Variants in ATRNL1 observed in about 807,000 individuals in gnomAD.
ATRNL1 encodes attractin-like protein 1.
Under a neutral mutation model 182.7 loss-of-function variants are expected in ATRNL1, and 95 were observed. The ratio of observed to expected loss-of-function variants is 0.52; its 90% CI spans 0.44 to 0.62. The LOEUF (loss-of-function observed/expected upper bound fraction) is 0.62. Ranked by LOEUF, ATRNL1 falls within the 20% of genes least tolerant of loss-of-function variation. The pLI, the probability that ATRNL1 is intolerant of heterozygous loss-of-function variation, is 0.00. For missense variants in ATRNL1, 1,471 were observed against 1,679.5 expected (o/e 0.88, Z 2.17); for synonymous variants, 576 against 568.3 (o/e 1.01, Z -0.19).
intron 18 of ATRNL1, among the ~76,000 whole-genome samples, chr10:115,327,965 T>C (rs1402237580): frequency 1.3e-5 from 2 of 151,932 alleles, no homozygotes; most frequent in Admixed American, 1.3e-4. Context: ...AGGGATAGCA[T>C]TGGGAGATAT....
chr10:115,743,144 A>G (rs1555068108), intron 27 of ATRNL1, among the ~76,000 whole-genome samples: 1 of 151,506 alleles, frequency 6.6e-6, no homozygotes, highest in Non-Finnish European at 1.5e-5. Context: ...GGTGCTTCCC[A>G]GGACACCACA....
At chr10:115,323,431 TC>T (rs1854694997) in intron 18 of ATRNL1, among the ~76,000 whole-genome samples, 1 of 19,748 alleles carries the variant, frequency 5.1e-5, no homozygotes, top group Non-Finnish European at 1.2e-4. Context: ...TCCCCTCCCC[TC>T]CCCTCCCCTT....
chr10:115,273,387 T>G (rs1475589631), intron 13 of ATRNL1, among the ~76,000 whole-genome samples: 1 of 152,230 alleles, frequency 6.6e-6, no homozygotes, highest in African/African-American at 2.4e-5. Context: ...CTTCACTTAT[T>G]TGCCATTCAG....
intron 21 of ATRNL1, among the ~76,000 whole-genome samples, chr10:115,457,377 C>T (rs1027788543): frequency 3.3e-5 from 5 of 151,870 alleles, no homozygotes; most frequent in Non-Finnish European, 4.4e-5. Context: ...GGTGGGTTGG[C>T]GATAGAAGTT....
intron 10 of ATRNL1, among the ~76,000 whole-genome samples, chr10:115,263,738 C>T (rs1169000923): frequency 3.3e-5 from 5 of 151,722 alleles, no homozygotes; most frequent in Non-Finnish European, 7.4e-5. Flanking sequence ...TAAATTAACT[C>T]TAACATGTAA....
chr10:115,661,020 T>A (rs1593026336), intron 26 of ATRNL1, among the ~76,000 whole-genome samples: 1 of 152,258 alleles, frequency 6.6e-6, no homozygotes, highest in Non-Finnish European at 1.5e-5. Flanking sequence ...ACAATATCAT[T>A]ATTATCAATG....
intron 27 of ATRNL1, among the ~76,000 whole-genome samples, chr10:115,785,008 C>T (rs1949360754): frequency 6.6e-6 from 1 of 152,132 alleles, no homozygotes; most frequent in Non-Finnish European, 1.5e-5. Context: ...GTCTCTTAAC[C>T]CATTCCAGCA....
intron 26 of ATRNL1, among the ~76,000 whole-genome samples, chr10:115,655,601 G>A (rs1310600648): frequency 4.0e-5 from 6 of 151,856 alleles, no homozygotes; most frequent in African/African-American, 1.5e-4. Context: ...TTACCTTTTG[G>A]GCAAGCCCAG....
chr10:115,932,422 G>A (rs933240096), intron 28 of ATRNL1, among the ~76,000 whole-genome samples: 2 of 152,120 alleles, frequency 1.3e-5, no homozygotes, highest in Non-Finnish European at 2.9e-5. Context: ...ACCTGTTTTC[G>A]TTAAAATGCC....
chr10:115,907,613 C>G (rs1341182782), intron 28 of ATRNL1, among the ~76,000 whole-genome samples: 1 of 152,162 alleles, frequency 6.6e-6, no homozygotes. Flanking sequence ...CACTTGCAGT[C>G]TGTAGGTTTA....
intron 1 of ATRNL1, among the ~76,000 whole-genome samples, chr10:115,115,782 T>G (rs1844457791): frequency 6.6e-6 from 1 of 152,094 alleles, no homozygotes; most frequent in Non-Finnish European, 1.5e-5. Context: ...CACACTTTCT[T>G]ATTTTTATAA....
chr10:115,742,861 C>G (rs1166649406), intron 27 of ATRNL1, among the ~76,000 whole-genome samples: 1 of 152,122 alleles, frequency 6.6e-6, no homozygotes, highest in Non-Finnish European at 1.5e-5. Flanking sequence ...CATTCTCACA[C>G]TGCTAATAAA....
At chr10:115,662,847 G>C (rs1439453799) in intron 26 of ATRNL1, among the ~76,000 whole-genome samples, 3 of 151,934 alleles carry the variant, frequency 2.0e-5, no homozygotes, top group African/African-American at 7.2e-5. Context: ...TTTTGCCATT[G>C]ATCTTATACA....
intron 10 of ATRNL1, 75 bp from the exon 11 acceptor site, chr10:115,265,118 A>G: frequency 1.0e-6 from 1 of 973,236 alleles, no homozygotes; most frequent in Non-Finnish European, 1.6e-6. Context: ...TAATTCGGCC[A>G]ATGATGTTTT....
intron 6 of ATRNL1, among the ~76,000 whole-genome samples, chr10:115,163,705 A>C (rs1846908951): frequency 6.6e-6 from 1 of 152,078 alleles, no homozygotes; most frequent in African/African-American, 2.4e-5. Context: ...AAAATGAAGA[A>C]TATGTGAGAC....
At chr10:115,870,817 A>G (rs1255927906) in intron 28 of ATRNL1, among the ~76,000 whole-genome samples, 12 of 152,190 alleles carry the variant, frequency 7.9e-5, no homozygotes, top group Admixed American at 5.2e-4. Context: ...TACTTAATCT[A>G]TCTGTGCCTT....
chr10:115,129,198 C>T, intron 4 of ATRNL1, 129 bp from the exon 5 acceptor site: 1 of 649,592 alleles, frequency 1.5e-6, no homozygotes, highest in Non-Finnish European at 2.6e-6. Flanking sequence ...ATTAAAACTA[C>T]ATTGTGAAAT....
chr10:115,808,208 G>C (rs782744065), intron 27 of ATRNL1, among the ~76,000 whole-genome samples: 1 of 152,082 alleles, frequency 6.6e-6, no homozygotes, highest in Non-Finnish European at 1.5e-5. Context: ...AAGTGGACTG[G>C]AGTGAGAAAG....
At chr10:115,574,628 C>T (rs1467678476) in intron 26 of ATRNL1, among the ~76,000 whole-genome samples, 10 of 152,160 alleles carry the variant, frequency 6.6e-5, no homozygotes, top group Non-Finnish European at 1.5e-4. Context: ...ATCTCAATCA[C>T]ATTTAAATCC....
Sources: gnomAD v4.1 joint callset for allele counts (sites outside exome capture counted in the v4.1 genomes callset) on GRCh38, gnomAD v4.1.1 for gene constraint, MANE v1.5 for transcripts, NCBI Gene and HGNC (gene_info 2026-07-23, HGNC 2026-07-21) for gene names.